Variants in WDR74 observed in about 807,000 individuals in gnomAD.
WDR74 encodes the protein WD repeat domain 74, also known as WD repeat-containing protein 74.
WDR74 carries 31 observed loss-of-function variants against 45.6 expected under a neutral mutation model. The ratio of observed to expected loss-of-function variants is 0.68; its 90% CI spans 0.51 to 0.92. WDR74 has a LOEUF of 0.92. Ranked by LOEUF, WDR74 falls within the 40% of genes least tolerant of loss-of-function variation. The pLI is 0.00. For missense variants in WDR74, 455 were observed against 497.2 expected (o/e 0.92, Z 0.81); for synonymous variants, 191 against 192.4 (o/e 0.99, Z 0.06).
At chr11:62,833,591 C>T (rs1191920025) in intron 10 of WDR74, 27 bp downstream of exon 10, 2 of 1,551,530 alleles carry the variant, frequency 1.3e-6, no homozygotes, top group Non-Finnish European at 8.7e-7. Flanking sequence ...GCCCTTGGCT[C>T]CCACATTCCC....
intron 3 of WDR74, 41 bp downstream of exon 3, chr11:62,839,073 T>C (rs369248508): frequency 1.2e-6 from 2 of 1,609,608 alleles, no homozygotes; most frequent in African/African-American, 2.7e-5. Context: ...GCATCAACGC[T>C]CTCCCTTCGG....
In WDR74 at chr11:62,835,529, G is replaced by A. The variant is rs781413855; in HGVS notation, c.520C>T (p.Arg174Trp). The A allele has an allele frequency of 9.3e-6, 15 of 1,613,776 alleles. No individual in the cohort carries two copies. The highest frequency in any genetic ancestry group is 6.7e-5 in the Admixed American group (4 of 59,996). The change falls in exon 6 of 11, where the codon CGG (arginine) becomes TGG (tryptophan). Residue 174 changes from arginine to tryptophan, a missense_variant. Arg to Trp is a moderately radical substitution (Grantham distance 101). Coordinates refer to ENST00000278856, the MANE Select transcript of WDR74 (RefSeq NM_001369450.1). The stretch of plus-strand genomic sequence containing the variant: ...ACCCGCAAGTCCAGCCAGTCATTCC[G>A]CACCTGGTGGGGTGGGCAGATGGAG... ...EEPVFRAKNV[R>W]NDWLDLRVPI...
upstream of WDR74, chr11:62,841,485 C>G (rs964839604): frequency 2.6e-5 from 4 of 152,200 alleles, no homozygotes; most frequent in African/African-American, 9.7e-5. Flanking sequence ...CAACAAGACA[C>G]TCAAACACGC....
chr11:62,841,475 C>G (rs1017410592), upstream of WDR74: 2 of 152,196 alleles, frequency 1.3e-5, no homozygotes, highest in South Asian at 4.1e-4. Flanking sequence ...AACCTTCTCT[C>G]AACAAGACAC....
In WDR74 at chr11:62,833,630, C is replaced by A; in HGVS notation, c.966G>T (p.Arg322Ser). The change falls in exon 10 of 11, where the codon AGG becomes AGT. Residue 322 changes from arginine (R) to serine (S), a missense_variant. Arg to Ser is a moderately radical substitution (Grantham distance 110). Coordinates refer to ENST00000278856, the MANE Select transcript of WDR74 (RefSeq NM_001369450.1). Reference sequence around the variant, plus strand: ...CCCAACTGCTCACCTCCCAGTTGTCCCTGCCTGACAAGAGGAGGCAGTTCA... The same window carrying A: ...CCCAACTGCTCACCTCCCAGTTGTCACTGCCTGACAAGAGGAGGCAGTTCA... ...SQLNCLLLSG[R>S]DNWEDEPQEP... 1 of 1,552,270 alleles carries A rather than the reference C, an allele frequency of 6.4e-7. No individual in the cohort carries two copies.
chr11:62,833,868 G>A lies in WDR74; in HGVS notation c.845C>T (p.Pro282Leu). 9 of 1,613,974 alleles carry A rather than the reference G, an allele frequency of 5.6e-6. No individual in the cohort carries two copies. The highest frequency in any genetic ancestry group is 7.6e-6 in the Non-Finnish European group (9 of 1,179,882). The change falls in exon 9 of 11, where the codon CCT (proline) becomes CTT (leucine). Residue 282 changes from proline (P) to leucine (L), a missense_variant. By Grantham distance (98) the Pro-to-Leu change is moderately conservative (BLOSUM62 -3). Transcript: ENST00000278856. ...GTCCAAGCCACAGGAGGCTAGTAGA[G>A]GCTTTGAAGGGTGGCACTGCAACCC... is the stretch of plus-strand genomic sequence containing the variant. ...VRGLQCHPSK[P>L]LLASCGLDRV...
chr11:62,840,490 A>C (rs998016444), upstream of WDR74: 3 of 151,904 alleles, frequency 2.0e-5, no homozygotes, highest in Non-Finnish European at 4.4e-5. Flanking sequence ...AAAAAAAAAA[A>C]CAAAAACAAC....
At position 62,839,142 on chromosome 11, in the gene WDR74, T is replaced by C. The variant is rs752364338; in HGVS notation, c.265A>G (p.Met89Val). ...TCGGCCTGGGCGAGGCCACGGAACA[T>C]GCCCTCCCCGCCCGGGCAGTGTCTC... ...GQRHCPGGEG[M>V]FRGLAQADGT... The change falls in exon 3 of 11, where the codon ATG becomes GTG. Residue 89 changes from methionine to valine, a missense_variant. Met to Val is a conservative substitution (Grantham distance 21). Transcript: ENST00000278856. 10 of 1,613,492 alleles carry C rather than the reference T, an allele frequency of 6.2e-6. No individual in the cohort carries two copies. In the African/African-American group the frequency reaches 8.0e-5, roughly 13 times the overall value.
intron 3 of WDR74, among the ~76,000 whole-genome samples, chr11:62,838,689 C>T (rs369921398): frequency 6.7e-6 from 1 of 150,140 alleles, no homozygotes; most frequent in Non-Finnish European, 1.5e-5. Context: ...ACCCGGGAGG[C>T]GGAGGTTGCA....
At chr11:62,837,365 C>T (rs752776500) in intron 3 of WDR74, among the ~76,000 whole-genome samples, 2 of 151,700 alleles carry the variant, frequency 1.3e-5, no homozygotes, top group African/African-American at 2.4e-5. Context: ...GGCGTGGTGG[C>T]GGATGCCTGT....
intron 6 of WDR74, 82 bp from the exon 7 acceptor site, chr11:62,834,609 G>A (rs933581287): frequency 8.5e-7 from 1 of 1,181,362 alleles, no homozygotes; most frequent in African/African-American, 1.5e-5. Context: ...CCCCCTCCCT[G>A]CACACTGCTT....
In WDR74 at chr11:62,836,042, G is replaced by C. The variant is rs372521503; in HGVS notation, c.294-6C>G. On this transcript the variant is annotated splice_polypyrimidine_tract_variant and splice_region_variant and intron_variant, in intron 3 of 10. Transcript: ENST00000278856. ...CCACACATGTGATGAGGGTGCTGCA[G>C]AGAAAGGATAGAGTTGGGATTTTTT... 6.3e-7 allele frequency: 1 copy of C among 1,580,486 alleles called. No homozygotes were observed. The highest frequency in any genetic ancestry group is 8.6e-7 in the Non-Finnish European group (1 of 1,162,712).
At chr11:62,834,604 TC>T in intron 6 of WDR74, 77 bp from the exon 7 acceptor site, 8 of 1,239,476 alleles carry the variant, frequency 6.5e-6, no homozygotes, top group Non-Finnish European at 9.0e-6. Context: ...CCTCACCCCC[TC>T]CCTGCACACT....
In WDR74 at chr11:62,834,107, G is replaced by A. The variant is rs981555806; in HGVS notation, c.775+169C>T. On this transcript the variant is annotated intron_variant, in intron 8 of 10. Coordinates refer to ENST00000278856, the MANE Select transcript of WDR74 (RefSeq NM_001369450.1). ...AGGTGAGGAAACTAAGGCACAGGGAGTTGAAATAATTAGTTTAAGGTCATA... is the reference window on the plus strand; with the variant it reads ...AGGTGAGGAAACTAAGGCACAGGGAATTGAAATAATTAGTTTAAGGTCATA... The A allele has an allele frequency of 1.9e-5, 26 of 1,398,030 alleles. No homozygotes were observed. In the Admixed American group the frequency reaches 4.5e-4, roughly 24 times the overall value. The allele number at this position is 1,398,030 out of a possible 1,614,324, so 86.6% of individuals were successfully genotyped here.
chr11:62,834,128 T>G (rs1200831403), intron 8 of WDR74, 148 bp downstream of exon 8: 1 of 1,446,104 alleles, frequency 6.9e-7, no homozygotes, highest in Non-Finnish European at 9.6e-7. Flanking sequence ...TAGTTTAAGG[T>G]CATACAGCTT....
chr11:62,833,982 C>T, intron 8 of WDR74, 45 bp from the exon 9 acceptor site: 1 of 1,602,188 alleles, frequency 6.2e-7, no homozygotes, highest in East Asian at 2.2e-5. Flanking sequence ...TGGCCAATAA[C>T]CAACCATTCA....
At chr11:62,834,395 A>ACCCCCCCCCCCCCCCCC in intron 7 of WDR74, 32 bp downstream of exon 7, 1 of 442,890 alleles carries the variant, frequency 2.3e-6, no homozygotes, top group South Asian at 2.4e-5. Flanking sequence ...CTCAAGCCCC[A>ACCCCCCCCCCCCCCCCC]CCCTCCCACC....
chr11:62,839,017 G>A, intron 3 of WDR74, 97 bp downstream of exon 3: 1 of 1,541,178 alleles, frequency 6.5e-7, no homozygotes, highest in Non-Finnish European at 8.8e-7. Flanking sequence ...TCAAAGCCGT[G>A]TCACTAAGAG....
At chr11:62,841,687 T>C (rs891816801), upstream of WDR74, 6 of 152,224 alleles carry the variant, frequency 3.9e-5, no homozygotes, top group South Asian at 4.1e-4. Context: ...AGCAAGCTCC[T>C]ATTCCATCTC....
Sources: allele counts gnomAD v4.1 joint callset (sites outside exome capture counted in the v4.1 genomes callset), GRCh38; gene constraint gnomAD v4.1.1; transcripts MANE v1.5; gene names NCBI Gene and HGNC (gene_info 2026-07-23, HGNC 2026-07-21).